The following FER1L5 variants were observed in gnomAD, a reference collection of about 807,000 sequenced individuals.
The protein encoded by FER1L5 is fer-1 like family member 5.
In FER1L5, 187 loss-of-function variants were observed where a neutral mutation model predicts 279.9. That is an observed-to-expected ratio of 0.67 (90% CI 0.59 to 0.75). FER1L5 has a LOEUF of 0.75. Among genes scored for constraint, FER1L5 ranks in the 30% least tolerant of loss-of-function variants. FER1L5 has a pLI of 0.00. For synonymous variants in FER1L5, 921 were observed against 989.7 expected (o/e 0.93, Z 1.30); for missense variants, 2,091 against 2,594.4 (o/e 0.81, Z 4.21).
At chr2:96,653,926 C>G (rs891014664) in intron 8 of FER1L5, 1 of 533,748 alleles carries the variant, frequency 1.9e-6, no homozygotes, top group Non-Finnish European at 3.3e-6. Context: ...AACTGGGCGC[C>G]AAGGTGAACA....
At chr2:96,672,115 G>C (rs1157482688) in intron 18 of FER1L5, among the ~76,000 whole-genome samples, 1 of 152,152 alleles carries the variant, frequency 6.6e-6, no homozygotes, top group African/African-American at 2.4e-5. Context: ...TTTTGCTCTT[G>C]TTGCCCAGGC....
Position 96,697,658 on chromosome 2 carries a change from A to G in FER1L5, c.4135-2A>G. 1 of 1,614,050 alleles carries G rather than the reference A, an allele frequency of 6.2e-7. No homozygotes were observed. Among genetic ancestry groups the G allele is most frequent in the Non-Finnish European group, 8.5e-7 (1 of 1,179,890 alleles). ...GGCCAGAATGATCCTCTTCTCTGCCAGGATGAGTATGAGCATGAGGTGGAC... is the reference window on the plus strand; with the variant it reads ...GGCCAGAATGATCCTCTTCTCTGCCGGGATGAGTATGAGCATGAGGTGGAC... On this transcript the variant is annotated splice_acceptor_variant, in intron 38 of 52. Coordinates refer to ENST00000624922, the MANE Select transcript of FER1L5 (RefSeq NM_001293083.2). LOFTEE classifies it high-confidence loss of function.
chr2:96,649,769 C>G (rs1007670438), intron 5 of FER1L5, 92 bp downstream of exon 5: 5 of 1,250,574 alleles, frequency 4.0e-6, no homozygotes, highest in African/African-American at 3.0e-5. Flanking sequence ...CAAAACCCAG[C>G]CCTTGAGGCC....
intron 1 of FER1L5, among the ~76,000 whole-genome samples, chr2:96,643,396 C>G (rs2074967791): frequency 6.6e-6 from 1 of 152,142 alleles, no homozygotes; most frequent in South Asian, 2.1e-4. Context: ...GTCACCCAGG[C>G]TACAGTGCAG....
rs966980492 is a variant in FER1L5, at chr2:96,684,488, G to C, written c.1794+37G>C. 5 of 1,539,372 alleles carry C rather than the reference G, an allele frequency of 3.2e-6. No homozygotes were observed. In the East Asian group the frequency reaches 1.2e-4, roughly 38 times the overall value. ...GGGAGCCGATGCTGGGAAGACACCT[G>C]TTTCAGAGTGTGGCTGGGAGACTTG... On this transcript the variant is annotated intron_variant, in intron 20 of 52. Coordinates refer to ENST00000624922, the MANE Select transcript of FER1L5 (RefSeq NM_001293083.2).
chr2:96,692,146 G>C lies in FER1L5; in HGVS notation c.3257G>C (p.Arg1086Pro). The C allele has an allele frequency of 3.9e-6, 6 of 1,551,610 alleles. No individual in the cohort carries two copies. The highest frequency in any genetic ancestry group is 2.4e-5 in the East Asian group (1 of 40,910). Reference sequence around the variant, plus strand: ...CTCTTCTGCTACATCTACCAGGCCCGGAACCTGGTGTCCAATCAGATCCTG... The same window carrying C: ...CTCTTCTGCTACATCTACCAGGCCCCGAACCTGGTGTCCAATCAGATCCTG... Reference protein sequence around the residue: ...YQLFCYIYQARNLVSNQILTF... With the variant: ...YQLFCYIYQAPNLVSNQILTF... The change falls in exon 31 of 53, where the codon CGG becomes CCG. Residue 1086 changes from arginine to proline, a missense_variant. By Grantham distance (103) the Arg-to-Pro change is moderately radical. Transcript: ENST00000624922.
At chr2:96,692,379 T>C (rs1462313964) in intron 31 of FER1L5, among the ~76,000 whole-genome samples, 198 bp downstream of exon 31, 1 of 152,062 alleles carries the variant, frequency 6.6e-6, no homozygotes, top group Admixed American at 6.6e-5. Context: ...GGGGCATGGA[T>C]GAGGGTGACA....
Position 96,704,878 on chromosome 2 carries a change from A to G in FER1L5, c.*186A>G, listed in dbSNP as rs1370320277. The G allele has an allele frequency of 3.3e-6, 2 of 604,682 alleles. No individual in the cohort carries two copies. The highest frequency in any genetic ancestry group is 3.0e-5 in the Admixed American group (1 of 33,288). 37.5% of individuals were successfully genotyped at this position (604,682 alleles called of 1,614,324 possible). A position where few individuals can be genotyped will look rare whatever the true frequency, so the allele number is the denominator to read the frequency against. On this transcript the variant is annotated 3_prime_UTR_variant, in exon 53 of 53. Transcript: ENST00000624922. Reference sequence around the variant, plus strand: ...TTTTCCACTGAAATAAACAAGTTCTATAACAGAGAGCCATCTTGTAATTTG... The same window carrying G: ...TTTTCCACTGAAATAAACAAGTTCTGTAACAGAGAGCCATCTTGTAATTTG...
At chr2:96,688,938 A>G in intron 24 of FER1L5, 1 of 362,904 alleles carries the variant, frequency 2.8e-6, no homozygotes, top group Non-Finnish European at 5.0e-6. Context: ...ACCCCTCTCC[A>G]CCTCTGTGCC....
chr2:96,690,617 G>A (rs1478651577), intron 27 of FER1L5, 28 bp downstream of exon 27: 19 of 1,540,142 alleles, frequency 1.2e-5, no homozygotes, highest in Admixed American at 9.8e-5. Flanking sequence ...GGTTGGGATC[G>A]GGAGAGACCA....
intron 9 of FER1L5, 100 bp from the exon 10 acceptor site, chr2:96,660,241 T>TA: frequency 8.2e-7 from 1 of 1,226,824 alleles, no homozygotes; most frequent in Non-Finnish European, 1.2e-6. Flanking sequence ...GCAGAGAACA[T>TA]ACTGAAGCCC....
intron 37 of FER1L5, 116 bp downstream of exon 37, chr2:96,696,193 A>G: frequency 7.4e-7 from 1 of 1,354,130 alleles, no homozygotes; most frequent in Non-Finnish European, 1.0e-6. Context: ...TGTGAGGCCC[A>G]CCTCGCTCTG....
chr2:96,659,459 T>C (rs1165519575), intron 9 of FER1L5, among the ~76,000 whole-genome samples: 2 of 27,884 alleles, frequency 7.2e-5, no homozygotes, highest in South Asian at 4.3e-3. Flanking sequence ...CTTTCTTTCT[T>C]TCTTTCTTTC....
At chr2:96,652,580 G>A (rs2075426764) in intron 7 of FER1L5, 1 of 159,062 alleles carries the variant, frequency 6.3e-6, no homozygotes, top group African/African-American at 2.4e-5. Flanking sequence ...TCAGGAAAAA[G>A]TCATGGTGTT....
chr2:96,695,774 C>A lies in FER1L5; in HGVS notation c.3927C>A (p.Pro1309=). The A allele has an allele frequency of 6.2e-7, 1 of 1,612,826 alleles. No homozygotes were observed. The highest frequency in any genetic ancestry group is 8.5e-7 in the Non-Finnish European group (1 of 1,179,492). ...CGACGGAGGAGGCCTATGCACTGCCCCTCGTGGTGAAGGTGGTAGACAACT... is the reference window on the plus strand; with the variant it reads ...CGACGGAGGAGGCCTATGCACTGCCACTCGTGGTGAAGGTGGTAGACAACT... The part of the protein sequence containing the change: ...LMPTEEAYAL[P]LVVKVVDNWA... The change falls in exon 36 of 53, where the codon CCC becomes CCA. Residue 1309 remains proline (P), a synonymous_variant. Transcript: ENST00000624922.
intron 39 of FER1L5, 137 bp downstream of exon 39, chr2:96,697,898 C>T: frequency 2.1e-6 from 3 of 1,449,504 alleles, no homozygotes; most frequent in Non-Finnish European, 2.8e-6. Context: ...CAGCTGCCAC[C>T]CTGTCTGAAG....
At chr2:96,673,004 T>C in intron 18 of FER1L5, 73 bp from the exon 19 acceptor site, 1 of 1,484,212 alleles carries the variant, frequency 6.7e-7, no homozygotes, top group Non-Finnish European at 9.0e-7. Context: ...ACCTCATCCT[T>C]GCCTCCCTGC....
rs1339441361 is a variant in FER1L5, at chr2:96,673,259, T to C, written c.1669+5T>C. ...ACAGCCCAGTGATATATGATGGTAA[T>C]TGTCAGATTCAGGCAATAAGTAGAG... On this transcript the variant is annotated splice_donor_5th_base_variant and intron_variant, in intron 19 of 52. Coordinates refer to ENST00000624922, the MANE Select transcript of FER1L5 (RefSeq NM_001293083.2). The C allele has an allele frequency of 6.5e-7, 1 of 1,546,610 alleles. No individual in the cohort carries two copies. The highest frequency in any genetic ancestry group is 8.8e-7 in the Non-Finnish European group (1 of 1,142,836).
At chr2:96,649,706 A>C (rs2075285913) in intron 5 of FER1L5, 29 bp downstream of exon 5, 1 of 1,550,566 alleles carries the variant, frequency 6.4e-7, no homozygotes, top group Non-Finnish European at 8.7e-7. Flanking sequence ...CTTACCCTTA[A>C]GGGCCTACCC....
Sources: gnomAD v4.1 joint callset for allele counts (sites outside exome capture counted in the v4.1 genomes callset) on GRCh38, gnomAD v4.1.1 for gene constraint, MANE v1.5 for transcripts, NCBI Gene and HGNC (gene_info 2026-07-23, HGNC 2026-07-21) for gene names.